Variants in BAHD1 observed in about 807,000 individuals in gnomAD.
The protein encoded by BAHD1 is bromo adjacent homology domain containing 1.
Under a neutral mutation model 63.1 loss-of-function variants are expected in BAHD1, and 20 were observed. That is an observed-to-expected ratio of 0.32 (90% CI 0.22 to 0.46). The LOEUF is 0.46. Ranked by LOEUF, BAHD1 falls within the 20% of genes least tolerant of loss-of-function variation. BAHD1 has a pLI of 1.00. For missense variants in BAHD1, 939 were observed against 1,071.8 expected (o/e 0.88, Z 1.73); for synonymous variants, 408 against 426.8 (o/e 0.96, Z 0.54).
At chr15:40,457,294 C>G (rs1893876974) in intron 1 of BAHD1, among the ~76,000 whole-genome samples, 1 of 151,954 alleles carries the variant, frequency 6.6e-6, no homozygotes, top group South Asian at 2.1e-4. Context: ...TTTTCTCTAC[C>G]CCCAGGAATA....
intron 1 of BAHD1, among the ~76,000 whole-genome samples, chr15:40,453,100 G>C (rs553280818): frequency 6.6e-6 from 1 of 152,310 alleles, no homozygotes; most frequent in South Asian, 2.1e-4. Context: ...GGAAGGATGG[G>C]GGAGGTTGGC....
chr15:40,461,938 G>C lies in BAHD1; in HGVS notation c.1459G>C (p.Glu487Gln). 1 of 1,606,540 alleles carries C rather than the reference G, an allele frequency of 6.2e-7. No homozygotes were observed. The highest frequency in any genetic ancestry group is 8.5e-7 in the Non-Finnish European group (1 of 1,174,822). The change falls in exon 3 of 7, where the codon GAA becomes CAA. Residue 487 changes from glutamate (E) to glutamine (Q), a missense_variant. Physicochemically the swap from Glu to Gln is conservative, Grantham distance 29. This residue lies in a region of BAHD1 where 797 missense variants were observed against 813.3 expected (regional missense o/e 0.98). Coordinates refer to ENST00000416165, the MANE Select transcript of BAHD1 (RefSeq NM_014952.5). ...AGGCTGCAGATCCCTGGGCCAGTTG[G>C]AATTTCCTCTCCCGGAAGCTGGCCA... ...AEGCRSLGQL[E>Q]FPLPEAGHPA...
Position 40,455,473 on chromosome 15 carries a change from G to T in BAHD1, c.-14-2978G>T, listed in dbSNP as rs114892220. ...ACCTCTCTCTGCTTGGGACTTCTGTGTGTTGAGAGGGGAAGACTGAGTGGG... is the reference window on the plus strand; with the variant it reads ...ACCTCTCTCTGCTTGGGACTTCTGTTTGTTGAGAGGGGAAGACTGAGTGGG... On this transcript the variant is annotated intron_variant, in intron 1 of 6. Coordinates refer to ENST00000416165, the MANE Select transcript of BAHD1 (RefSeq NM_014952.5). Among the ~76,000 whole-genome samples the T allele has an allele frequency of 6.8e-3, 1,033 of 152,314 alleles. 10 individuals carry two copies. Among genetic ancestry groups the T allele is most frequent in the African/African-American group, 0.024 (988 of 41,548 alleles).
At chr15:40,442,990 ATGT>A (rs1323282660) in intron 1 of BAHD1, among the ~76,000 whole-genome samples, 1 of 152,208 alleles carries the variant, frequency 6.6e-6, no homozygotes, top group African/African-American at 2.4e-5. Flanking sequence ...TGTGAGCTGG[ATGT>A]TGTTTACCTG....
At chr15:40,442,034 G>A (rs1315158179) in intron 1 of BAHD1, among the ~76,000 whole-genome samples, 3 of 152,058 alleles carry the variant, frequency 2.0e-5, no homozygotes, top group South Asian at 4.1e-4. Flanking sequence ...AGGTGTGGCG[G>A]GGGGAATCGA....
chr15:40,441,695 C>T (rs901500114), intron 1 of BAHD1, among the ~76,000 whole-genome samples: 2 of 147,884 alleles, frequency 1.4e-5, no homozygotes, highest in African/African-American at 2.5e-5. Context: ...CGGCTCGCCT[C>T]CGAGTGCGCG....
chr15:40,452,790 A>G (rs1439399503), intron 1 of BAHD1, among the ~76,000 whole-genome samples: 1 of 151,486 alleles, frequency 6.6e-6, no homozygotes, highest in Non-Finnish European at 1.5e-5. Context: ...GGGCCAGAGC[A>G]GGGCATCTGT....
chr15:40,458,531 C>T lies in BAHD1; in HGVS notation c.67C>T (p.Leu23=), dbSNP rs1168933578. 1 of 1,613,506 alleles carries T rather than the reference C, an allele frequency of 6.2e-7. No homozygotes were observed. The highest frequency in any genetic ancestry group is 1.1e-5 in the South Asian group (1 of 91,018). The change falls in exon 2 of 7, where the codon CTG becomes TTG. Residue 23 remains leucine (L), a synonymous_variant. Coordinates refer to ENST00000416165, the MANE Select transcript of BAHD1 (RefSeq NM_014952.5). This position sits in a 1 kb window ranked among gnomAD's most constrained non-coding sequence, Gnocchi z 4.7. The part of the protein sequence containing the change: ...SSGLTGRREP[L]QMEDSNMEQG... ...GGGCCTCACTGGCCGCCGAGAGCCC[C>T]TGCAGATGGAAGACAGCAACATGGA...
chr15:40,438,354 C>T (rs1015410653), upstream of BAHD1, among the ~76,000 whole-genome samples: 1 of 152,192 alleles, frequency 6.6e-6, no homozygotes, highest in Admixed American at 6.5e-5. Flanking sequence ...CAGGGTGTAG[C>T]CCCTGCCTAT....
rs1232565277 is a variant in BAHD1, at chr15:40,459,649, C to G, written c.1185C>G (p.Pro395=). 1 of 1,614,036 alleles carries G rather than the reference C, an allele frequency of 6.2e-7. No individual in the cohort carries two copies. Among genetic ancestry groups the G allele is most frequent in the Non-Finnish European group, 8.5e-7 (1 of 1,180,022 alleles). ...QEGLQCGGYS[P]CPMLPEGKLS... is the part of the protein sequence containing the mutation. ...GGCTGCAGTGTGGGGGCTACTCGCC[C>G]TGCCCCATGCTTCCTGAGGGCAAGC... is the stretch of plus-strand genomic sequence containing the variant. Residue 395 remains proline, a synonymous_variant, in exon 2 of 7, where the codon CCC becomes CCG. Transcript: ENST00000416165.
chr15:40,444,188 A>G (rs1281985143), intron 1 of BAHD1, among the ~76,000 whole-genome samples: 1 of 152,150 alleles, frequency 6.6e-6, no homozygotes, highest in African/African-American at 2.4e-5. Flanking sequence ...GAGTGAATAA[A>G]TGTGGTTGGT....
intron 1 of BAHD1, chr15:40,443,204 G>C (rs889142557): frequency 2.1e-6 from 2 of 963,674 alleles, no homozygotes; most frequent in African/African-American, 3.5e-5. Context: ...ACCTGGGAAA[G>C]CTGCTTGTCT....
chr15:40,449,943 C>T (rs1410069897), intron 1 of BAHD1, among the ~76,000 whole-genome samples: 1 of 152,106 alleles, frequency 6.6e-6, no homozygotes, highest in Admixed American at 6.6e-5. Context: ...CAGTGGACTC[C>T]TGGGGATGGA....
In BAHD1 at chr15:40,467,901, T is replaced by C. The variant is rs1595867364; in HGVS notation, c.*1771T>C. ...TGCTGCCAAGGAGCCCAGCCTCACCTAGCAGGAAAGGAGATGAAGGCCCTC... is the reference window on the plus strand; with the variant it reads ...TGCTGCCAAGGAGCCCAGCCTCACCCAGCAGGAAAGGAGATGAAGGCCCTC... On this transcript the variant is annotated 3_prime_UTR_variant, in exon 7 of 7. Coordinates refer to ENST00000416165, the MANE Select transcript of BAHD1 (RefSeq NM_014952.5). 1 of 152,720 alleles carries C rather than the reference T, an allele frequency of 6.5e-6. No homozygotes were observed. The highest frequency in any genetic ancestry group is 3.4e-3 in the Middle Eastern group (1 of 294). The allele number at this position is 152,720 out of a possible 1,614,324, so 9.5% of individuals were successfully genotyped here.
In BAHD1 at chr15:40,467,252, A is replaced by G. The variant is rs963361590; in HGVS notation, c.*1122A>G. The G allele has an allele frequency of 2.0e-5, 3 of 152,752 alleles. No individual in the cohort carries two copies. Among genetic ancestry groups the G allele is most frequent in the African/African-American group, 7.2e-5 (3 of 41,472 alleles). The allele number at this position is 152,752 out of a possible 1,614,324, so 9.5% of individuals were successfully genotyped here. On this transcript the variant is annotated 3_prime_UTR_variant, in exon 7 of 7. Transcript: ENST00000416165. Reference sequence around the variant, plus strand: ...GTTCTCACCTCATGCTGCTCCCCAGAGTAGACTAACAGGCTCAGTCCCCTG... The same window carrying G: ...GTTCTCACCTCATGCTGCTCCCCAGGGTAGACTAACAGGCTCAGTCCCCTG...
Position 40,462,036 on chromosome 15 carries a change from C to G in BAHD1, c.1557C>G (p.Pro519=). Residue 519 remains proline, a synonymous_variant, in exon 3 of 7, where the codon CCC becomes CCG. Transcript: ENST00000416165. ...TGCCACCTGCAGCAGAGCCCGTCCC[C>G]CATCTTCAGACACCCACCTCGGAGC... ...PSVPPAAEPV[P]HLQTPTSEPQ... 1 of 1,613,958 alleles carries G rather than the reference C, an allele frequency of 6.2e-7. No individual in the cohort carries two copies. Among genetic ancestry groups the G allele is most frequent in the Non-Finnish European group, 8.5e-7 (1 of 1,180,040 alleles).
chr15:40,448,600 G>T (rs1893612746), intron 1 of BAHD1, among the ~76,000 whole-genome samples: 1 of 152,114 alleles, frequency 6.6e-6, no homozygotes, highest in Non-Finnish European at 1.5e-5. Context: ...ACAATGGCAT[G>T]ATCATGGTTC....
At chr15:40,462,623 A>C (rs568817060) in intron 3 of BAHD1, among the ~76,000 whole-genome samples, 1 of 152,190 alleles carries the variant, frequency 6.6e-6, no homozygotes, top group African/African-American at 2.4e-5. Flanking sequence ...CTTTCAATGG[A>C]GAACTTTTCT....
chr15:40,450,701 G>T (rs146699783), intron 1 of BAHD1, among the ~76,000 whole-genome samples: 1 of 152,314 alleles, frequency 6.6e-6, no homozygotes, highest in East Asian at 1.9e-4. Context: ...CTGATCCTGG[G>T]CAGTATGGCA....
Sources: gnomAD v4.1 joint callset for allele counts (sites outside exome capture counted in the v4.1 genomes callset) on GRCh38, gnomAD v4.1.1 for gene constraint, gnomAD v4.1.1 regional missense constraint, Gnocchi (gnomAD v3.1) non-coding constraint, MANE v1.5 for transcripts, NCBI Gene and HGNC (gene_info 2026-07-23, HGNC 2026-07-21) for gene names.